PCDHGB2: variants seen among roughly 807,000 people sequenced by gnomAD.
PCDHGB2 encodes protocadherin gamma-B2.
A neutral mutation model predicts 59.3 loss-of-function variants in PCDHGB2; 55 were observed. The observed-to-expected ratio is 0.93, with a 90% CI of 0.75 to 1.16. The LOEUF (loss-of-function observed/expected upper bound fraction) is 1.16. Among genes scored for constraint, PCDHGB2 ranks in the 50% most tolerant of loss-of-function variants. The pLI, the probability that PCDHGB2 is intolerant of heterozygous loss-of-function variation, is 0.00. For synonymous variants in PCDHGB2, 516 were observed against 512.0 expected, an observed-to-expected ratio of 1.01 and a Z score of -0.11; for missense variants, 1,228 against 1,198.5, an observed-to-expected ratio of 1.02 and a Z score of -0.36.
chr5:141,409,711 A>T (rs768917889), intron 1 of PCDHGB2: 1 of 1,613,204 alleles, frequency 6.2e-7, no homozygotes, highest in Non-Finnish European at 8.5e-7. Flanking sequence ...CGGTGTCGTC[A>T]TACGTGTCAG....
chr5:141,393,931 A>G (rs2092877378), intron 1 of PCDHGB2: 6 of 1,614,002 alleles, frequency 3.7e-6, no homozygotes, highest in Middle Eastern at 1.6e-4. Flanking sequence ...AGTGTGCATG[A>G]CCAAGACTCT....
At chr5:141,414,888 C>T (rs1452402953) in intron 1 of PCDHGB2, 2 of 1,614,210 alleles carry the variant, frequency 1.2e-6, no homozygotes, top group Non-Finnish European at 1.7e-6. Flanking sequence ...ACCCCGCCCT[C>T]CCCACAGACG....
At position 141,414,543 on chromosome 5, in the gene PCDHGB2, C is replaced by T. The variant is rs369387885; in HGVS notation, c.2421+51987C>T. The T allele has an allele frequency of 5.0e-6, 8 of 1,613,880 alleles. No individual in the cohort carries two copies. The African/African-American group carries it at 1.1e-4, about 22-fold the overall frequency. ...ATATCAATGACAACCCACCTACCTT[C>T]TCTCAAGTCTCCTACTTTACCTATA... On this transcript the variant is annotated intron_variant, in intron 1 of 3. Transcript: ENST00000522605.
chr5:141,422,871 G>A (rs769543752), intron 1 of PCDHGB2: 1 of 1,614,216 alleles, frequency 6.2e-7, no homozygotes, highest in Admixed American at 1.7e-5. Context: ...GCAACGTGTC[G>A]CTGAGCCTGT....
chr5:141,482,530 C>CAAAAAAAAAAAAAAAAAA (rs3074545), intron 1 of PCDHGB2, among the ~76,000 whole-genome samples: 1 of 76,562 alleles, frequency 1.3e-5, no homozygotes, highest in Non-Finnish European at 2.6e-5. Flanking sequence ...GACAGACATG[C>CAAAAAAAAAAAAAAAAAA]AAAAAAAAAA....
chr5:141,422,541 T>C (rs1389095817), intron 1 of PCDHGB2: 1 of 1,613,992 alleles, frequency 6.2e-7, no homozygotes. Context: ...CAGAAACTCA[T>C]GTCTGGCTGA....
intron 1 of PCDHGB2, chr5:141,412,306 A>G (rs1160364599): frequency 1.3e-5 from 2 of 152,238 alleles, no homozygotes; most frequent in Non-Finnish European, 2.9e-5. Flanking sequence ...TCTCATTACA[A>G]TGCAAACAGT....
intron 1 of PCDHGB2, chr5:141,398,307 G>A (rs1447377921): frequency 1.5e-6 from 2 of 1,359,764 alleles, no homozygotes; most frequent in South Asian, 1.3e-5. Flanking sequence ...GCGTCCAGGA[G>A]TTACCGACTC....
intron 1 of PCDHGB2, chr5:141,440,348 C>G (rs2098169693): frequency 6.6e-6 from 1 of 152,190 alleles, no homozygotes; most frequent in South Asian, 2.1e-4. Flanking sequence ...GGCCTATAAT[C>G]CTAGCTACTC....
intron 1 of PCDHGB2, chr5:141,408,828 G>C: frequency 6.2e-7 from 1 of 1,613,614 alleles, no homozygotes; most frequent in East Asian, 2.2e-5. Context: ...AGATCTCATA[G>C]CTTGATATTG....
Position 141,490,644 on chromosome 5 carries a change from T to G in PCDHGB2, c.2422-4163T>G, listed in dbSNP as rs772742713. 1 of 1,614,188 alleles carries G rather than the reference T, an allele frequency of 6.2e-7. No individual in the cohort carries two copies. Among genetic ancestry groups the G allele is most frequent in the Non-Finnish European group, 8.5e-7 (1 of 1,180,016 alleles). The stretch of plus-strand genomic sequence containing the variant: ...CTGCTTACATCCTAGAAAACCGGCC[T>G]CCGGGCTCCCTTCTTTGCACTGTGG... On this transcript the variant is annotated intron_variant, in intron 1 of 3. Transcript: ENST00000522605. The surrounding 1 kb of genome is among the most constrained non-coding windows in gnomAD (Gnocchi z 5.4).
At position 141,476,980 on chromosome 5, in the gene PCDHGB2, C is replaced by T; in HGVS notation, c.2422-17827C>T. 6.2e-7 allele frequency: 1 copy of T among 1,614,232 alleles called. No individual in the cohort carries two copies. Among genetic ancestry groups the T allele is most frequent in the Non-Finnish European group, 8.5e-7 (1 of 1,180,044 alleles). On this transcript the variant is annotated intron_variant, in intron 1 of 3. Coordinates refer to ENST00000522605, the MANE Select transcript of PCDHGB2 (RefSeq NM_018923.3). This position sits in a 1 kb window ranked among gnomAD's most constrained non-coding sequence, Gnocchi z 7.6. Reference sequence around the variant, plus strand: ...TTTACTCCTTCGGCAGCCACAACCGCGCCGGCGTGCGGCAACTATTCGCCT... The same window carrying T: ...TTTACTCCTTCGGCAGCCACAACCGTGCCGGCGTGCGGCAACTATTCGCCT...
At chr5:141,384,676 G>A in intron 1 of PCDHGB2, 4 of 1,614,214 alleles carry the variant, frequency 2.5e-6, no homozygotes, top group Non-Finnish European at 3.4e-6. Flanking sequence ...CAAGGTGGTG[G>A]CGGTGGACAA....
chr5:141,507,661 C>T (rs1328943034), intron 3 of PCDHGB2, among the ~76,000 whole-genome samples: 1 of 152,236 alleles, frequency 6.6e-6, no homozygotes, highest in Non-Finnish European at 1.5e-5. Context: ...GCTTTTTAGC[C>T]TAAATCCAGA....
Position 141,486,567 on chromosome 5 carries a change from C to T in PCDHGB2, c.2422-8240C>T, listed in dbSNP as rs1562113360. On this transcript the variant is annotated intron_variant, in intron 1 of 3. Transcript: ENST00000522605. The surrounding 1 kb of genome is among the most constrained non-coding windows in gnomAD (Gnocchi z 5.0). ...CAGAGGTCACATGAGGTGTTTGTTCCTGAGAACAATCGCCCAGGGGACCTG... is the reference window on the plus strand; with the variant it reads ...CAGAGGTCACATGAGGTGTTTGTTCTTGAGAACAATCGCCCAGGGGACCTG... The T allele has an allele frequency of 6.2e-7, 1 of 1,613,918 alleles. No homozygotes were observed. The highest frequency in any genetic ancestry group is 8.5e-7 in the Non-Finnish European group (1 of 1,179,986).
At chr5:141,398,729 A>T in intron 1 of PCDHGB2, 1 of 1,613,820 alleles carries the variant, frequency 6.2e-7, no homozygotes, top group Non-Finnish European at 8.5e-7. Flanking sequence ...AAAACCTTAG[A>T]CCGGGAACAA....
Position 141,384,980 on chromosome 5 carries a change from T to A in PCDHGB2, c.2421+22424T>A, listed in dbSNP as rs772144829. The A allele has an allele frequency of 1.1e-5, 18 of 1,614,040 alleles. No individual in the cohort carries two copies. In the South Asian group the frequency reaches 1.6e-4, roughly 15 times the overall value. On this transcript the variant is annotated intron_variant, in intron 1 of 3. Coordinates refer to ENST00000522605, the MANE Select transcript of PCDHGB2 (RefSeq NM_018923.3). Reference sequence around the variant, plus strand: ...AACTATGACCTCACGTTGTACCTGGTGGTGGCGGTGGCCACAGTCTCCTGC... The same window carrying A: ...AACTATGACCTCACGTTGTACCTGGAGGTGGCGGTGGCCACAGTCTCCTGC...
chr5:141,418,433 C>A (rs761824602), intron 1 of PCDHGB2: 6 of 1,613,820 alleles, frequency 3.7e-6, no homozygotes, highest in South Asian at 3.3e-5. Flanking sequence ...TGGCAAATAT[C>A]CAGAATTAGT....
chr5:141,419,742 T>G (rs1388509503), intron 1 of PCDHGB2: 3 of 1,613,742 alleles, frequency 1.9e-6, no homozygotes, highest in Non-Finnish European at 2.5e-6. Flanking sequence ...GAGGTGCGCA[T>G]GGTGCGTGCT....
Sources: gnomAD v4.1 joint callset for allele counts (sites outside exome capture counted in the v4.1 genomes callset) on GRCh38, gnomAD v4.1.1 for gene constraint, Gnocchi (gnomAD v3.1) non-coding constraint, MANE v1.5 for transcripts, NCBI Gene and HGNC (gene_info 2026-07-23, HGNC 2026-07-21) for gene names.